Variants in RUVBL1 observed in about 807,000 individuals in gnomAD.
The protein encoded by RUVBL1 is ruvB-like 1.
Under a neutral mutation model 52.4 loss-of-function variants are expected in RUVBL1, and 4 were observed. The observed-to-expected ratio is 0.08, with a 90% CI of 0.04 to 0.17. RUVBL1 has a LOEUF of 0.17. Among genes scored for constraint, RUVBL1 ranks in the 10% least tolerant of loss-of-function variants. The probability of loss-of-function intolerance (pLI) is 1.00; values close to 1 mark genes in which losing one functional copy is unlikely to be tolerated. For synonymous variants in RUVBL1, 217 were observed against 214.4 expected (o/e 1.01, Z -0.10); for missense variants, 298 against 572.8 (o/e 0.52, Z 4.90).
intron 9 of RUVBL1, among the ~76,000 whole-genome samples, chr3:128,073,288 T>A (rs959816069): frequency 6.6e-6 from 1 of 152,090 alleles, no homozygotes; most frequent in African/African-American, 2.4e-5. Context: ...GGCACTCCGC[T>A]CCATCCATGG....
intron 1 of RUVBL1, among the ~76,000 whole-genome samples, chr3:128,134,287 A>AC (rs1484335335): frequency 3.3e-5 from 5 of 151,406 alleles, no homozygotes. Flanking sequence ...ACAAAGTGAA[A>AC]CCCCTTCTCT....
chr3:128,087,103 A>C (rs748338718), intron 9 of RUVBL1, among the ~76,000 whole-genome samples: 60 of 152,254 alleles, frequency 3.9e-4, no homozygotes, highest in Non-Finnish European at 7.3e-4. Flanking sequence ...ACTCTATTGC[A>C]AAGCCACAGA....
intron 4 of RUVBL1, 96 bp from the exon 5 acceptor site, chr3:128,101,744 G>T (rs887896033): frequency 2.4e-6 from 3 of 1,249,976 alleles, no homozygotes; most frequent in Non-Finnish European, 2.3e-6. Context: ...GAGGTAGCTA[G>T]CAGGTGCATG....
At chr3:128,123,913 G>A (rs1050984446), upstream of RUVBL1, 1 of 1,247,982 alleles carries the variant, frequency 8.0e-7, no homozygotes, top group Non-Finnish European at 1.0e-6. Context: ...CGCGGCTGCT[G>A]CTAGAGCTCC....
intron 8 of RUVBL1, among the ~76,000 whole-genome samples, chr3:128,089,074 G>C (rs774001608): frequency 3.9e-5 from 6 of 152,160 alleles, no homozygotes; most frequent in Admixed American, 6.5e-5. Flanking sequence ...TATTTCAACA[G>C]TTTAGAAAAA....
In RUVBL1 at chr3:128,081,139, G is replaced by A; in HGVS notation, c.*111C>T. The A allele has an allele frequency of 9.2e-7, 1 of 1,084,398 alleles. No homozygotes were observed. Among genetic ancestry groups the A allele is most frequent in the Non-Finnish European group, 1.3e-6 (1 of 742,590 alleles). The allele number at this position is 1,084,398 out of a possible 1,614,324, so 67.2% of individuals were successfully genotyped here. Reference sequence around the variant, plus strand: ...TCCACACTGAACTGACAGCGCTGCAGACCACGCCTGAGTGGGGACGGCAGC... The same window carrying A: ...TCCACACTGAACTGACAGCGCTGCAAACCACGCCTGAGTGGGGACGGCAGC... On this transcript the variant is annotated 3_prime_UTR_variant, in exon 11 of 11. Transcript: ENST00000322623. This position sits in a 1 kb window ranked among gnomAD's most constrained non-coding sequence, Gnocchi z 4.8.
intron 3 of RUVBL1, among the ~76,000 whole-genome samples, chr3:128,108,939 G>C (rs181454407): frequency 6.6e-6 from 1 of 152,190 alleles, no homozygotes; most frequent in African/African-American, 2.4e-5. Context: ...TAGACGCTGA[G>C]CTAAAGAAGC....
rs1942483166 is a variant in RUVBL1 at position 128,081,788 on chromosome 3, T to C, written c.1212-379A>G. On this transcript the variant is annotated intron_variant, in intron 10 of 10. Transcript: ENST00000322623. This position sits in a 1 kb window ranked among gnomAD's most constrained non-coding sequence, Gnocchi z 4.8. The stretch of plus-strand genomic sequence containing the variant: ...AAATGAAAACATAGCCAGCTGGAAG[T>C]ACATGCCCATCCAAAGGCATGAAGA... The C allele has an allele frequency of 5.4e-6, 1 of 183,746 alleles. No individual in the cohort carries two copies. The highest frequency in any genetic ancestry group is 5.3e-5 in the Admixed American group (1 of 18,702). 11.4% of individuals were successfully genotyped at this position (183,746 alleles called of 1,614,324 possible). A position where few individuals can be genotyped will look rare whatever the true frequency, so the allele number is the denominator to read the frequency against.
At chr3:128,084,323 C>T (rs978296633) in intron 9 of RUVBL1, 1 of 152,146 alleles carries the variant, frequency 6.6e-6, no homozygotes, top group African/African-American at 2.4e-5. Flanking sequence ...ACAAGGACAA[C>T]CAAGAAAAGG....
At chr3:128,103,099 A>T (rs553335374) in intron 4 of RUVBL1, among the ~76,000 whole-genome samples, 1 of 152,360 alleles carries the variant, frequency 6.6e-6, no homozygotes, top group Non-Finnish European at 1.5e-5. Flanking sequence ...TATCTTGTAC[A>T]TATTCTAAAA....
intron 1 of RUVBL1, among the ~76,000 whole-genome samples, chr3:128,135,698 T>C (rs1943938088): frequency 6.6e-6 from 1 of 152,226 alleles, no homozygotes; most frequent in African/African-American, 2.4e-5. Flanking sequence ...CAAGAAATGC[T>C]AAAGTGAATT....
chr3:128,120,968 G>GA (rs148600850), intron 1 of RUVBL1, among the ~76,000 whole-genome samples: 2,130 of 148,172 alleles, frequency 0.014, 47 homozygotes, highest in African/African-American at 0.049. Flanking sequence ...GCGACAGAGC[G>GA]AGACTCCCTC....
At chr3:128,080,497 G>A (rs748012032), downstream of RUVBL1, among the ~76,000 whole-genome samples, 7 of 152,196 alleles carry the variant, frequency 4.6e-5, no homozygotes, top group Non-Finnish European at 1.0e-4. Flanking sequence ...TCAACGATGA[G>A]TCATGTTGCT....
intron 9 of RUVBL1, chr3:128,066,848 A>C: frequency 1.9e-6 from 2 of 1,055,520 alleles, no homozygotes; most frequent in Non-Finnish European, 2.8e-6. Flanking sequence ...AGCACACAGG[A>C]TTTCCTCCCT....
intron 7 of RUVBL1, among the ~76,000 whole-genome samples, chr3:128,097,918 C>T (rs1244998827): frequency 2.0e-5 from 3 of 152,134 alleles, no homozygotes; most frequent in African/African-American, 7.2e-5. Context: ...GCAAATTTAC[C>T]TGTTCTATAC....
downstream of RUVBL1, among the ~76,000 whole-genome samples, chr3:128,076,869 G>C (rs1942344765): frequency 6.6e-6 from 1 of 152,162 alleles, no homozygotes; most frequent in South Asian, 2.1e-4. This position sits in a 1 kb window ranked among gnomAD's most constrained non-coding sequence, Gnocchi z 6.8. Context: ...ATGTCCCTCT[G>C]GGTGCGGGGT....
At chr3:128,131,523 A>G (rs536484447) in intron 1 of RUVBL1, among the ~76,000 whole-genome samples, 1 of 145,798 alleles carries the variant, frequency 6.9e-6, no homozygotes, top group East Asian at 1.9e-4. Context: ...AAACAAACCA[A>G]CAACAACAAC....
At chr3:128,070,487 G>A (rs1245515761) in intron 9 of RUVBL1, 2 of 152,214 alleles carry the variant, frequency 1.3e-5, no homozygotes, top group East Asian at 1.9e-4. Flanking sequence ...ACGTCTCCTC[G>A]CAGCTGCCCT....
chr3:128,128,037 T>TACAC (rs1559832237), upstream of RUVBL1, among the ~76,000 whole-genome samples: 3 of 152,126 alleles, frequency 2.0e-5, no homozygotes, highest in Admixed American at 2.0e-4. Flanking sequence ...CATACATACA[T>TACAC]ACATACATAC....
Sources: gnomAD v4.1 joint callset for allele counts (sites outside exome capture counted in the v4.1 genomes callset) on GRCh38, gnomAD v4.1.1 for gene constraint, Gnocchi (gnomAD v3.1) non-coding constraint, MANE v1.5 for transcripts, NCBI Gene and HGNC (gene_info 2026-07-23, HGNC 2026-07-21) for gene names.